Variants in RDH12 observed in about 807,000 individuals in gnomAD.
RDH12 encodes retinol dehydrogenase 12.
In RDH12, 21 loss-of-function variants were observed where a neutral mutation model predicts 34.0. That is an observed-to-expected ratio of 0.62 (90% CI 0.44 to 0.89). RDH12 has a LOEUF of 0.89. Ranked by LOEUF, RDH12 falls within the 40% of genes least tolerant of loss-of-function variation. The pLI is 0.00. For missense variants in RDH12, 394 were observed against 398.6 expected (o/e 0.99, Z 0.10); for synonymous variants, 198 against 169.9 (o/e 1.17, Z -1.29).
At chr14:67,704,527 C>T (rs1166929515) in intron 1 of RDH12, among the ~76,000 whole-genome samples, 2 of 152,096 alleles carry the variant, frequency 1.3e-5, no homozygotes, top group Non-Finnish European at 2.9e-5. Context: ...GTTAGGGGAT[C>T]TACTGCTTAT....
chr14:67,709,432 A>G (rs907404715), intron 1 of RDH12, among the ~76,000 whole-genome samples: 3 of 152,230 alleles, frequency 2.0e-5, no homozygotes, highest in Admixed American at 6.5e-5. Context: ...AGCCTTTCAT[A>G]ACCTTTATAA....
intron 8 of RDH12, among the ~76,000 whole-genome samples, chr14:67,732,585 C>CT (rs1182301371): frequency 1.4e-5 from 2 of 147,180 alleles, no homozygotes; most frequent in Admixed American, 6.8e-5. Context: ...ATAGACTTTT[C>CT]TTTTTTTTGA....
chr14:67,733,632 G>T (rs1312398452), intron 8 of RDH12, 114 bp from the exon 9 acceptor site: 3 of 712,442 alleles, frequency 4.2e-6, no homozygotes, highest in Non-Finnish European at 7.5e-6. Context: ...GTTTCTTTGA[G>T]TCTGGCATAT....
intron 1 of RDH12, among the ~76,000 whole-genome samples, chr14:67,711,954 T>C (rs1489841157): frequency 2.6e-5 from 4 of 152,138 alleles, no homozygotes; most frequent in African/African-American, 9.7e-5. Flanking sequence ...AGTTTTGCTC[T>C]TGTTGCCCAG....
chr14:67,722,610 G>T lies in RDH12; in HGVS notation c.-33G>T. 1 of 1,600,452 alleles carries T rather than the reference G, an allele frequency of 6.2e-7. No individual in the cohort carries two copies. Among genetic ancestry groups the T allele is most frequent in the Non-Finnish European group, 8.6e-7 (1 of 1,167,528 alleles). On this transcript the variant is annotated 5_prime_UTR_variant, in exon 3 of 9. Transcript: ENST00000551171. ...AGCTGGGGTTGAAGCTGGAGCAGCA[G>T]CAAAAGCAACAGCAGCTACAGAAGT...
intron 1 of RDH12, among the ~76,000 whole-genome samples, chr14:67,720,601 C>A (rs2038113877): frequency 6.6e-6 from 1 of 152,280 alleles, no homozygotes; most frequent in East Asian, 1.9e-4. Flanking sequence ...TTTGAAATGG[C>A]ATTTTCATCA....
At chr14:67,705,648 T>A (rs1043407048) in intron 1 of RDH12, among the ~76,000 whole-genome samples, 2 of 152,220 alleles carry the variant, frequency 1.3e-5, no homozygotes, top group African/African-American at 4.8e-5. Context: ...CCAATGTTAA[T>A]TTCCTGGTTT....
chr14:67,731,868 T>C (rs1264950589), intron 8 of RDH12, among the ~76,000 whole-genome samples: 1 of 152,026 alleles, frequency 6.6e-6, no homozygotes, highest in Non-Finnish European at 1.5e-5. Flanking sequence ...GGCTCATGCA[T>C]GTAATCCCAG....
At chr14:67,729,492 T>G (rs956888872) in intron 8 of RDH12, 112 bp downstream of exon 8, 58 of 1,093,922 alleles carry the variant, frequency 5.3e-5, no homozygotes, top group Non-Finnish European at 5.6e-5. Flanking sequence ...GCAATCCAGG[T>G]TTGGGTTGGG....
At chr14:67,713,728 T>C (rs967562442) in intron 1 of RDH12, among the ~76,000 whole-genome samples, 3 of 152,250 alleles carry the variant, frequency 2.0e-5, no homozygotes, top group Admixed American at 1.3e-4. Context: ...CAGGAGGTCC[T>C]GACGACATGT....
chr14:67,720,226 T>C (rs1442674106), intron 1 of RDH12, among the ~76,000 whole-genome samples: 1 of 152,258 alleles, frequency 6.6e-6, no homozygotes, highest in Non-Finnish European at 1.5e-5. Flanking sequence ...GCTATTTCAA[T>C]TGGGTTGTTA....
At chr14:67,715,925 G>A (rs542737467) in intron 1 of RDH12, among the ~76,000 whole-genome samples, 1 of 152,378 alleles carries the variant, frequency 6.6e-6, no homozygotes, top group East Asian at 1.9e-4. Context: ...GCCGGGGGCA[G>A]TGGCTTACGC....
At chr14:67,725,673 C>T (rs560229560) in intron 5 of RDH12, among the ~76,000 whole-genome samples, 4 of 152,326 alleles carry the variant, frequency 2.6e-5, no homozygotes, top group African/African-American at 9.6e-5. Context: ...ATCCTGGGAC[C>T]ATGTCTGGCT....
chr14:67,727,693 G>T (rs576311426), intron 7 of RDH12: 2 of 196,388 alleles, frequency 1.0e-5, no homozygotes, highest in South Asian at 8.8e-5. Flanking sequence ...TGTTGTCCAG[G>T]TTGGTCTCAA....
rs117569446 is a variant in RDH12 at position 67,704,916 on chromosome 14, G to T, written c.-275+2981G>T. On this transcript the variant is annotated intron_variant, in intron 1 of 8. Coordinates refer to ENST00000551171, the MANE Select transcript of RDH12 (RefSeq NM_152443.3). The stretch of plus-strand genomic sequence containing the variant: ...GGAACTCATCTGTAGCACTCAGCAG[G>T]GGCATCTAAGTCCAGGAACACAATG... Among the ~76,000 whole-genome samples the T allele has an allele frequency of 8.5e-3, 1,293 of 152,280 alleles. 9 individuals carry two copies. The highest frequency in any genetic ancestry group is 0.018 in the Admixed American group (276 of 15,298).
At position 67,724,600 on chromosome 14, in the gene RDH12, T is replaced by C. The variant is rs777141584; in HGVS notation, c.187+9T>C. 1.9e-6 allele frequency: 3 copies of C among 1,604,216 alleles called. No homozygotes were observed. Among genetic ancestry groups the C allele is most frequent in the African/African-American group, 1.3e-5 (1 of 74,848 alleles). ...AGAGCTCGCTAGCCGAGGTAAGTGTTTCCCCTTTAGTCTCCAAAGGGCCAT... is the reference window on the plus strand; with the variant it reads ...AGAGCTCGCTAGCCGAGGTAAGTGTCTCCCCTTTAGTCTCCAAAGGGCCAT... On this transcript the variant is annotated intron_variant, in intron 4 of 8. Coordinates refer to ENST00000551171, the MANE Select transcript of RDH12 (RefSeq NM_152443.3).
At chr14:67,709,967 C>T (rs966331181) in intron 1 of RDH12, among the ~76,000 whole-genome samples, 3 of 152,186 alleles carry the variant, frequency 2.0e-5, no homozygotes, top group African/African-American at 7.2e-5. Flanking sequence ...ATCTAATTTG[C>T]CTCCTTTGGA....
chr14:67,731,219 T>C (rs1321950029), intron 8 of RDH12, among the ~76,000 whole-genome samples: 19 of 142,986 alleles, frequency 1.3e-4, no homozygotes, highest in Admixed American at 9.1e-4. Context: ...TTTTTTTTTT[T>C]TTTTTTTTTT....
intron 5 of RDH12, 116 bp downstream of exon 5, chr14:67,725,370 T>TCATGTGGCAGAAC: frequency 9.3e-7 from 1 of 1,077,840 alleles, no homozygotes; most frequent in Non-Finnish European, 1.4e-6. Context: ...CTAGACAGGT[T>TCATGTGGCAGAAC]CTGCCACATG....
Sources: gnomAD v4.1 joint callset for allele counts (sites outside exome capture counted in the v4.1 genomes callset) on GRCh38, gnomAD v4.1.1 for gene constraint, MANE v1.5 for transcripts, NCBI Gene and HGNC (gene_info 2026-07-23, HGNC 2026-07-21) for gene names.